Variants in KIFAP3 observed in about 807,000 individuals in gnomAD.
The protein encoded by KIFAP3 is kinesin associated protein 3.
A neutral mutation model predicts 106.5 loss-of-function variants in KIFAP3; 68 were observed. That is an observed-to-expected ratio of 0.64 (90% confidence interval 0.53 to 0.78). The LOEUF (loss-of-function observed/expected upper bound fraction) is 0.78. KIFAP3 is among the 30% of genes least tolerant of loss of function. The pLI, the probability that KIFAP3 is intolerant of heterozygous loss-of-function variation, is 0.00. For synonymous variants in KIFAP3, 320 were observed against 311.5 expected (o/e 1.03, Z -0.29); for missense variants, 780 against 941.8 (o/e 0.83, Z 2.25).
intron 7 of KIFAP3, among the ~76,000 whole-genome samples, chr1:170,032,467 CAG>C (rs1235627320): frequency 6.6e-6 from 1 of 151,680 alleles, no homozygotes. Context: ...GCAGCCTTTT[CAG>C]ACTAGAGATG....
chr1:169,922,590 A>T (rs754317987), intron 19 of KIFAP3, among the ~76,000 whole-genome samples: 24 of 152,236 alleles, frequency 1.6e-4, no homozygotes, highest in Non-Finnish European at 3.1e-4. Context: ...TCTGTTCTCC[A>T]AAGTCCTTTT....
intron 19 of KIFAP3, among the ~76,000 whole-genome samples, chr1:169,945,785 T>G (rs1664412406): frequency 6.6e-6 from 1 of 152,226 alleles, no homozygotes; most frequent in African/African-American, 2.4e-5. Context: ...TCTTCCCAAG[T>G]TTCCAGGATT....
At chr1:170,035,120 A>G (rs1669616596) in intron 6 of KIFAP3, among the ~76,000 whole-genome samples, 1 of 151,946 alleles carries the variant, frequency 6.6e-6, no homozygotes, top group Non-Finnish European at 1.5e-5. Flanking sequence ...TAACAATAAC[A>G]TTTACTGAGC....
upstream of KIFAP3, among the ~76,000 whole-genome samples, chr1:170,076,066 A>T (rs1671898803): frequency 6.6e-6 from 1 of 152,228 alleles, no homozygotes; most frequent in South Asian, 2.1e-4. Flanking sequence ...ATTAAAATGC[A>T]TAGATAATAT....
intron 14 of KIFAP3, 61 bp from the exon 15 acceptor site, chr1:169,982,158 G>A: frequency 6.7e-7 from 1 of 1,487,148 alleles, no homozygotes; most frequent in Non-Finnish European, 9.3e-7. Context: ...TTCATTTAGA[G>A]TATCAAAATG....
At chr1:169,993,128 G>A (rs1667183237) in intron 10 of KIFAP3, among the ~76,000 whole-genome samples, 2 of 131,112 alleles carry the variant, frequency 1.5e-5, no homozygotes, top group Admixed American at 8.2e-5. Flanking sequence ...TTTTTTCAGA[G>A]ACAGAGTCTC....
chr1:170,025,823 A>G (rs183641543), intron 8 of KIFAP3, among the ~76,000 whole-genome samples: 1 of 152,240 alleles, frequency 6.6e-6, no homozygotes, highest in Admixed American at 6.5e-5. Context: ...TTAGAATTAC[A>G]TTGAAAAAAC....
chr1:169,997,620 T>C (rs11807405), intron 10 of KIFAP3, among the ~76,000 whole-genome samples: 25,122 of 151,964 alleles, frequency 0.17, 2,232 homozygotes, highest in Middle Eastern at 0.22. Flanking sequence ...CCTGTAATCT[T>C]AGCACTTTGG....
At chr1:169,964,564 GT>G (rs1259117391) in intron 17 of KIFAP3, among the ~76,000 whole-genome samples, 3 of 152,148 alleles carry the variant, frequency 2.0e-5, no homozygotes, top group Non-Finnish European at 4.4e-5. Context: ...ATTGGAAGAA[GT>G]AGCTTCTGGT....
intron 4 of KIFAP3, among the ~76,000 whole-genome samples, 186 bp from the exon 5 acceptor site, chr1:170,038,617 C>G (rs1431672121): frequency 6.6e-6 from 1 of 151,986 alleles, no homozygotes; most frequent in Non-Finnish European, 1.5e-5. Flanking sequence ...ATACAAAACC[C>G]CATGATAAAA....
intron 19 of KIFAP3, among the ~76,000 whole-genome samples, chr1:169,940,325 T>A (rs1481388096): frequency 1.3e-5 from 2 of 152,204 alleles, no homozygotes; most frequent in Non-Finnish European, 2.9e-5. Context: ...ATAAACTGCC[T>A]GGAACTCACT....
In KIFAP3 at chr1:169,962,130, C is replaced by G. The variant is rs547575921; in HGVS notation, c.1984-895G>C. 8.0e-4 allele frequency among the ~76,000 whole-genome samples: 122 copies of G among 152,022 alleles called. 1 individual carries two copies. The highest frequency in any genetic ancestry group is 2.8e-3 in the African/African-American group (116 of 41,356). On this transcript the variant is annotated intron_variant, in intron 17 of 19. Transcript: ENST00000361580. ...TGCTAAAATGGTTTACTAAAGAAAA[C>G]AAATATCAGAATTGAATTTAATTTT... is the stretch of plus-strand genomic sequence containing the variant.
chr1:170,028,819 T>C (rs1490360511), intron 8 of KIFAP3, among the ~76,000 whole-genome samples: 1 of 152,122 alleles, frequency 6.6e-6, no homozygotes, highest in Non-Finnish European at 1.5e-5. Context: ...ATTAAAGATG[T>C]ATAATATAAA....
At chr1:170,036,818 A>G (rs1669714430) in intron 5 of KIFAP3, among the ~76,000 whole-genome samples, 1 of 152,208 alleles carries the variant, frequency 6.6e-6, no homozygotes, top group Admixed American at 6.5e-5. Flanking sequence ...CAATTAAAAT[A>G]TAGTTACAGG....
rs572911479 is a variant in KIFAP3, at chr1:169,976,666, T to C, written c.1897+1419A>G. Among the ~76,000 whole-genome samples, 17 of 152,274 alleles carry C rather than the reference T, an allele frequency of 1.1e-4. 1 individual carries two copies. Among genetic ancestry groups the C allele is most frequent in the African/African-American group, 3.8e-4 (16 of 41,586 alleles). ...CATATTAATATTAACATTTCTCAAA[T>C]TAGACTTGTTATTTACCAGACTTGA... On this transcript the variant is annotated intron_variant, in intron 16 of 19. Transcript: ENST00000361580.
At chr1:169,970,502 TTAG>T (rs1665865184) in intron 17 of KIFAP3, among the ~76,000 whole-genome samples, 1 of 152,220 alleles carries the variant, frequency 6.6e-6, no homozygotes, top group Admixed American at 6.6e-5. Flanking sequence ...CTAATTTTTC[TTAG>T]TATTATTCTG....
intron 10 of KIFAP3, among the ~76,000 whole-genome samples, chr1:170,010,607 C>G (rs1052780611): frequency 6.6e-6 from 1 of 151,616 alleles, no homozygotes; most frequent in Admixed American, 6.6e-5. Flanking sequence ...TGAAGTTATT[C>G]AGTCATTAAC....
At chr1:170,076,359 T>C (rs1262228647), upstream of KIFAP3, among the ~76,000 whole-genome samples, 1 of 152,100 alleles carries the variant, frequency 6.6e-6, no homozygotes, top group Non-Finnish European at 1.5e-5. Context: ...AAGTACAAGA[T>C]GAGCCTGGAA....
At chr1:169,967,802 A>T (rs1285680557) in intron 17 of KIFAP3, among the ~76,000 whole-genome samples, 1 of 151,864 alleles carries the variant, frequency 6.6e-6, no homozygotes, top group Non-Finnish European at 1.5e-5. Flanking sequence ...TGAAAACCCA[A>T]TGTCAAAAAA....
Sources: allele counts gnomAD v4.1 joint callset (sites outside exome capture counted in the v4.1 genomes callset), GRCh38; gene constraint gnomAD v4.1.1; transcripts MANE v1.5; gene names NCBI Gene and HGNC (gene_info 2026-07-23, HGNC 2026-07-21).